INPP5A: variants seen among roughly 807,000 people sequenced by gnomAD.
INPP5A encodes the protein inositol polyphosphate-5-phosphatase A, also known as 43 kDa inositol polyphosphate 5-phophatase.
INPP5A carries 14 observed loss-of-function variants against 65.2 expected under a neutral mutation model. That is an observed-to-expected ratio of 0.21 (90% CI 0.14 to 0.34). INPP5A has a LOEUF of 0.34. Ranked by LOEUF, INPP5A falls within the 10% of genes least tolerant of loss-of-function variation. The probability of loss-of-function intolerance (pLI) is 1.00; values close to 1 mark genes in which losing one functional copy is unlikely to be tolerated. For missense variants in INPP5A, 431 were observed against 545.6 expected (o/e 0.79, Z 2.09); for synonymous variants, 207 against 208.3 (o/e 0.99, Z 0.05).
intron 9 of INPP5A, among the ~76,000 whole-genome samples, chr10:132,731,595 G>A (rs1846087285): frequency 6.6e-6 from 1 of 152,216 alleles, no homozygotes; most frequent in Non-Finnish European, 1.5e-5. Context: ...GTTGGTGTCA[G>A]ACATGAGGAG....
chr10:132,669,837 C>T (rs1026982648), intron 4 of INPP5A, among the ~76,000 whole-genome samples: 2 of 152,080 alleles, frequency 1.3e-5, no homozygotes, highest in South Asian at 2.1e-4. Flanking sequence ...CCTGTCCCCA[C>T]TGTGGCCTTG....
At chr10:132,574,837 C>T (rs536622342) in intron 1 of INPP5A, among the ~76,000 whole-genome samples, 3 of 151,672 alleles carry the variant, frequency 2.0e-5, no homozygotes, top group East Asian at 1.9e-4. Flanking sequence ...GGGTGTTTTT[C>T]GTTTTAAAAG....
chr10:132,596,848 CGT>C (rs869235152), intron 1 of INPP5A, among the ~76,000 whole-genome samples: 15 of 132,128 alleles, frequency 1.1e-4, no homozygotes, highest in African/African-American at 1.6e-4. Context: ...TGTGTGCATG[CGT>C]GTGTGTGCAT....
At chr10:132,687,386 C>T (rs1845155029) in intron 4 of INPP5A, among the ~76,000 whole-genome samples, 1 of 152,244 alleles carries the variant, frequency 6.6e-6, no homozygotes, top group South Asian at 2.1e-4. Flanking sequence ...CCACACGCAG[C>T]CTTCTGGACC....
At chr10:132,560,222 C>T (rs1590829112) in intron 1 of INPP5A, among the ~76,000 whole-genome samples, 1 of 151,170 alleles carries the variant, frequency 6.6e-6, no homozygotes, top group Admixed American at 6.6e-5. Context: ...GCAGCTGTCT[C>T]GGGTGTAGAC....
chr10:132,767,158 G>T (rs1350146131), intron 12 of INPP5A, among the ~76,000 whole-genome samples: 1 of 114,174 alleles, frequency 8.8e-6, no homozygotes, highest in African/African-American at 3.5e-5. Flanking sequence ...AGCTTGGGTG[G>T]GAGCCGGAGG....
In INPP5A at chr10:132,547,831, C is replaced by T. The variant is rs75633968; in HGVS notation, c.75+9660C>T. On this transcript the variant is annotated intron_variant, in intron 1 of 15. Coordinates refer to ENST00000368594, the MANE Select transcript of INPP5A (RefSeq NM_005539.5). This position sits in a 1 kb window ranked among gnomAD's most constrained non-coding sequence, Gnocchi z 5.5. ...CCCTTCCTGTCATACTGTGCTTTAC[C>T]GTGACTGTGGCGTCACACTCAGGTG... Among the ~76,000 whole-genome samples, 1,671 of 152,248 alleles carry T rather than the reference C, an allele frequency of 0.011. 9 individuals carry two copies. Among genetic ancestry groups the T allele is most frequent in the Middle Eastern group, 0.071 (21 of 294 alleles).
At chr10:132,582,595 A>G (rs2071498504) in intron 1 of INPP5A, among the ~76,000 whole-genome samples, 1 of 151,934 alleles carries the variant, frequency 6.6e-6, no homozygotes, top group Admixed American at 6.6e-5. Context: ...TTTTAAAAAT[A>G]ATTTTTGTAG....
rs116315166 is a variant in INPP5A at position 132,707,924 on chromosome 10, G to A, written c.475-389G>A. Among the ~76,000 whole-genome samples the A allele has an allele frequency of 8.0e-3, 1,221 of 152,276 alleles. 18 individuals are homozygous for A. The highest frequency in any genetic ancestry group is 0.027 in the African/African-American group (1,131 of 41,542). ...CTGTCCAGGACGCCTGGCTGGGCACGGCTGCTCAAGTCTTCCCTGTGGTCC... is the reference window on the plus strand; with the variant it reads ...CTGTCCAGGACGCCTGGCTGGGCACAGCTGCTCAAGTCTTCCCTGTGGTCC... On this transcript the variant is annotated intron_variant, in intron 6 of 15. Transcript: ENST00000368594. This position sits in a 1 kb window ranked among gnomAD's most constrained non-coding sequence, Gnocchi z 5.5.
At chr10:132,566,632 G>A (rs1294530424) in intron 1 of INPP5A, among the ~76,000 whole-genome samples, 1 of 152,194 alleles carries the variant, frequency 6.6e-6, no homozygotes, top group Non-Finnish European at 1.5e-5. Flanking sequence ...AGGTTATCTC[G>A]ATAGATGCTG....
intron 12 of INPP5A, among the ~76,000 whole-genome samples, chr10:132,766,150 G>A (rs1159870245): frequency 6.6e-6 from 1 of 151,368 alleles, no homozygotes; most frequent in Non-Finnish European, 1.5e-5. Context: ...GTGTGCATCT[G>A]TGTGTGCACG....
In INPP5A at chr10:132,651,392, C is replaced by G. The variant is rs2072574955; in HGVS notation, c.306+887C>G. ...CGGCCTGGGTCCATCTCCCCCGTCT[C>G]TGGGGAGGCCCTGGGTCCCCCGGCC... On this transcript the variant is annotated intron_variant, in intron 4 of 15. Transcript: ENST00000368594. This position sits in a 1 kb window ranked among gnomAD's most constrained non-coding sequence, Gnocchi z 5.0. Among the ~76,000 whole-genome samples the G allele has an allele frequency of 7.1e-6, 1 of 140,854 alleles. No homozygotes were observed. The allele number at this position is 140,854 out of a possible 152,430, so 92.4% of individuals were successfully genotyped here. A position where few individuals can be genotyped will look rare whatever the true frequency, so the allele number is the denominator to read the frequency against.
intron 8 of INPP5A, among the ~76,000 whole-genome samples, chr10:132,721,870 C>T (rs1845891075): frequency 6.6e-6 from 1 of 152,154 alleles, no homozygotes; most frequent in South Asian, 2.1e-4. Flanking sequence ...GGGAGATTCA[C>T]CCTGAGGGCT....
chr10:132,775,125 G>GAA (rs1847034435), intron 12 of INPP5A, among the ~76,000 whole-genome samples: 1 of 50,104 alleles, frequency 2.0e-5, no homozygotes, highest in Admixed American at 2.3e-4. Flanking sequence ...GGGCAGGGAG[G>GAA]AGGGGCAGGG....
intron 9 of INPP5A, among the ~76,000 whole-genome samples, chr10:132,738,251 CAG>C (rs1846211913): frequency 6.6e-6 from 1 of 152,242 alleles, no homozygotes; most frequent in African/African-American, 2.4e-5. Context: ...CGTGCCAAGG[CAG>C]GGGGTTGCTG....
At position 132,727,128 on chromosome 10, in the gene INPP5A, G is replaced by A. The variant is rs758015826; in HGVS notation, c.732+223G>A. ...GGCCCTCAAGGTTGCCCCGGATGGC[G>A]GGTGACAGTGCTGTGGGGCTTTGCC... On this transcript the variant is annotated intron_variant, in intron 9 of 15. Coordinates refer to ENST00000368594, the MANE Select transcript of INPP5A (RefSeq NM_005539.5). The surrounding 1 kb of genome is among the most constrained non-coding windows in gnomAD (Gnocchi z 6.5). 7.1e-6 allele frequency: 3 copies of A among 420,496 alleles called. No individual in the cohort carries two copies. Among genetic ancestry groups the A allele is most frequent in the Admixed American group, 8.2e-5 (2 of 24,530 alleles). 26.0% of individuals were successfully genotyped at this position (420,496 alleles called of 1,614,324 possible). A position where few individuals can be genotyped will look rare whatever the true frequency, so the allele number is the denominator to read the frequency against.
chr10:132,701,830 A>G (rs1207840739), intron 6 of INPP5A, among the ~76,000 whole-genome samples: 3 of 152,236 alleles, frequency 2.0e-5, no homozygotes, highest in African/African-American at 7.2e-5. Flanking sequence ...CGGGGACTTC[A>G]GTGCAGGAAT....
chr10:132,605,573 G>C lies in INPP5A; in HGVS notation c.76-2342G>C, dbSNP rs538278295. ...CACAGTGGCACTGAGGCCAAGGGAG[G>C]CTGGTGGGATGGTGGGATGGTGGGA... On this transcript the variant is annotated intron_variant, in intron 1 of 15. Transcript: ENST00000368594. Among the ~76,000 whole-genome samples the C allele has an allele frequency of 2.0e-5, 3 of 152,044 alleles. No homozygotes were observed. The East Asian group carries it at 5.8e-4, about 30-fold the overall frequency.
intron 1 of INPP5A, among the ~76,000 whole-genome samples, chr10:132,553,568 G>A (rs1179137795): frequency 3.4e-5 from 5 of 147,536 alleles, no homozygotes; most frequent in Admixed American, 6.7e-5. Context: ...CCTTCTCAGA[G>A]CCTTGATGTG....
Sources: gnomAD v4.1 joint callset for allele counts (sites outside exome capture counted in the v4.1 genomes callset) on GRCh38, gnomAD v4.1.1 for gene constraint, Gnocchi (gnomAD v3.1) non-coding constraint, MANE v1.5 for transcripts, NCBI Gene and HGNC (gene_info 2026-07-23, HGNC 2026-07-21) for gene names.